Variants in GRAP2 observed in about 807,000 individuals in gnomAD.
GRAP2 encodes the protein GRB2-related adapter protein 2.
A neutral mutation model predicts 43.5 loss-of-function variants in GRAP2; 31 were observed. The observed-to-expected ratio is 0.71, with a 90% CI of 0.54 to 0.96. The LOEUF (loss-of-function observed/expected upper bound fraction) is 0.96, where lower values mean the gene tolerates loss of function less well. Ranked by LOEUF, GRAP2 falls within the 40% of genes least tolerant of loss-of-function variation. The pLI, the probability that GRAP2 is intolerant of heterozygous loss-of-function variation, is 0.00. For missense variants in GRAP2, 371 were observed against 424.4 expected (o/e 0.87, Z 1.11); for synonymous variants, 156 against 164.8 (o/e 0.95, Z 0.41).
upstream of GRAP2, among the ~76,000 whole-genome samples, chr22:39,896,637 A>G (rs1452071448): frequency 1.3e-5 from 2 of 152,164 alleles, no homozygotes; most frequent in African/African-American, 4.8e-5. Context: ...GGGAAGTAGG[A>G]GACAGGGTAA....
rs541422540 is a variant in GRAP2, at chr22:39,972,559, C to G, written c.*1475C>G. ...TGAGGGAGCCTGGAAGTTTTCTCTT[C>G]CCCAACCTCTCTTGCTCTAAGGAGG... On this transcript the variant is annotated 3_prime_UTR_variant, in exon 8 of 8. Transcript: ENST00000344138. 2 of 152,328 alleles carry G rather than the reference C, an allele frequency of 1.3e-5. No homozygotes were observed. Among genetic ancestry groups the G allele is most frequent in the African/African-American group, 4.8e-5 (2 of 41,560 alleles). 9.4% of individuals were successfully genotyped at this position (152,328 alleles called of 1,614,324 possible).
Position 39,971,184 on chromosome 22 carries a change from T to A in GRAP2, c.*100T>A. 1 of 853,094 alleles carries A rather than the reference T, an allele frequency of 1.2e-6. No homozygotes were observed. 52.8% of individuals were successfully genotyped at this position (853,094 alleles called of 1,614,324 possible). A position where few individuals can be genotyped will look rare whatever the true frequency, so the allele number is the denominator to read the frequency against. ...ATGACTATATATACATACATCTATC[T>A]ACATCTGCCTGTGTACACACACAAC... On this transcript the variant is annotated 3_prime_UTR_variant, in exon 8 of 8. Coordinates refer to ENST00000344138, the MANE Select transcript of GRAP2 (RefSeq NM_004810.4).
intron 1 of GRAP2, among the ~76,000 whole-genome samples, chr22:39,906,547 A>G (rs1410231143): frequency 1.3e-5 from 2 of 152,216 alleles, no homozygotes; most frequent in Admixed American, 1.3e-4. Context: ...AAAAATAAAT[A>G]AGAAAAAAAA....
At chr22:39,947,335 A>G in intron 2 of GRAP2, 151 bp downstream of exon 2, 1 of 638,262 alleles carries the variant, frequency 1.6e-6, no homozygotes, top group South Asian at 1.8e-5. Context: ...TATACCAGAC[A>G]CCAACCAGGC....
At chr22:39,924,563 G>A (rs538138750) in intron 1 of GRAP2, among the ~76,000 whole-genome samples, 72 of 152,312 alleles carry the variant, frequency 4.7e-4, no homozygotes, top group Middle Eastern at 3.4e-3. Context: ...TTAGCCGGAC[G>A]TGGTGGTGGG....
chr22:39,957,469 C>T (rs376208401), intron 3 of GRAP2, among the ~76,000 whole-genome samples: 3 of 152,196 alleles, frequency 2.0e-5, no homozygotes, highest in Non-Finnish European at 4.4e-5. Context: ...CTCAAACAGT[C>T]GGCCTTTCCT....
At chr22:39,895,366 T>G in the GRAP2 span, among the ~76,000 whole-genome samples, 4 of 152,228 alleles carry the variant, frequency 2.6e-5, no homozygotes, top group East Asian at 7.7e-4. Flanking sequence ...TATAAAATGA[T>G]AGGAGGTATG....
At chr22:39,943,312 T>A (rs1327435731) in intron 1 of GRAP2, among the ~76,000 whole-genome samples, 1 of 152,218 alleles carries the variant, frequency 6.6e-6, no homozygotes, top group Non-Finnish European at 1.5e-5. Context: ...GAATATTTTT[T>A]AAGATTTTTT....
At chr22:39,931,463 A>C (rs2066754495) in intron 1 of GRAP2, among the ~76,000 whole-genome samples, 1 of 152,216 alleles carries the variant, frequency 6.6e-6, no homozygotes, top group African/African-American at 2.4e-5. Context: ...AGGATGGTGC[A>C]AATCATATAA....
chr22:39,930,644 C>G (rs1216162612), intron 1 of GRAP2, among the ~76,000 whole-genome samples: 1 of 152,208 alleles, frequency 6.6e-6, no homozygotes, highest in African/African-American at 2.4e-5. Flanking sequence ...ATACTGCCAT[C>G]TGATTAAACA....
chr22:39,954,851 C>T (rs1208482446), intron 2 of GRAP2, among the ~76,000 whole-genome samples: 1 of 152,184 alleles, frequency 6.6e-6, no homozygotes, highest in Non-Finnish European at 1.5e-5. Context: ...CAGTCAAAGT[C>T]AGGCCACAGA....
intron 1 of GRAP2, among the ~76,000 whole-genome samples, chr22:39,934,785 G>A (rs960525483): frequency 6.6e-6 from 1 of 152,018 alleles, no homozygotes; most frequent in African/African-American, 2.4e-5. Flanking sequence ...GCAGGAGGAT[G>A]CCTAAAGCCC....
intron 1 of GRAP2, among the ~76,000 whole-genome samples, chr22:39,935,011 A>G (rs937783678): frequency 2.6e-5 from 4 of 152,218 alleles, no homozygotes; most frequent in Admixed American, 2.6e-4. Flanking sequence ...TCAAGTCTAG[A>G]TAATGTATTT....
At chr22:39,964,599 C>A in intron 4 of GRAP2, 1 of 753,484 alleles carries the variant, frequency 1.3e-6, no homozygotes, top group East Asian at 2.5e-5. Context: ...GAGACGGTGA[C>A]CCTTTATTTC....
chr22:39,954,000 T>C (rs571883510), intron 2 of GRAP2, among the ~76,000 whole-genome samples: 2 of 152,278 alleles, frequency 1.3e-5, no homozygotes, highest in South Asian at 4.1e-4. Flanking sequence ...ATATTCACAG[T>C]CTACATTCCA....
In GRAP2 at chr22:39,915,998, T is replaced by C. The variant is rs181001997; in HGVS notation, c.-15+14668T>C. On this transcript the variant is annotated intron_variant, in intron 1 of 7. Transcript: ENST00000344138. The stretch of plus-strand genomic sequence containing the variant: ...GCTCACCATTCTGGACCTAAGGCCT[T>C]CCCTCTTGCTTAAGCTCCCCCATCC... 4.1e-4 allele frequency among the ~76,000 whole-genome samples: 62 copies of C among 152,294 alleles called. 1 individual carries two copies. Among genetic ancestry groups the C allele is most frequent in the African/African-American group, 1.4e-3 (60 of 41,546 alleles).
chr22:39,959,718 C>T (rs988546702), intron 3 of GRAP2, among the ~76,000 whole-genome samples: 1 of 152,186 alleles, frequency 6.6e-6, no homozygotes, highest in African/African-American at 2.4e-5. Context: ...TCTATCTCTT[C>T]CGCAGCTGCC....
At chr22:39,937,257 G>C (rs2066815949) in intron 1 of GRAP2, among the ~76,000 whole-genome samples, 2 of 152,194 alleles carry the variant, frequency 1.3e-5, no homozygotes, top group Non-Finnish European at 2.9e-5. Flanking sequence ...GGTGGTGTGT[G>C]TCCCCTCAAA....
intron 3 of GRAP2, among the ~76,000 whole-genome samples, chr22:39,959,433 TG>T (rs938259401): frequency 1.3e-5 from 2 of 152,214 alleles, no homozygotes; most frequent in Non-Finnish European, 2.9e-5. Flanking sequence ...CCAGCCTCGC[TG>T]ATTTCCAAGC....
Sources: allele counts gnomAD v4.1 joint callset (sites outside exome capture counted in the v4.1 genomes callset), GRCh38; gene constraint gnomAD v4.1.1; transcripts MANE v1.5; gene names NCBI Gene and HGNC (gene_info 2026-07-23, HGNC 2026-07-21).